The following GALNT5 variants were observed in gnomAD, a reference collection of about 807,000 sequenced individuals.
GALNT5 encodes polypeptide N-acetylgalactosaminyltransferase 5, also known as UDP-GalNAc:polypeptide N-acetylgalactosaminyltransferase 5.
GALNT5 carries 72 observed loss-of-function variants against 85.4 expected under a neutral mutation model. That is an observed-to-expected ratio of 0.84 (90% CI 0.70 to 1.03). The LOEUF is 1.03. Ranked by LOEUF, GALNT5 falls within the 50% of genes least tolerant of loss-of-function variation. The pLI is 0.00. For missense variants in GALNT5, 1,137 were observed against 1,135.5 expected, an observed-to-expected ratio of 1.00 and a Z score of -0.02; for synonymous variants, 404 against 397.0, an observed-to-expected ratio of 1.02 and a Z score of -0.21.
At chr2:157,291,643 A>AG in intron 3 of GALNT5, among the ~76,000 whole-genome samples, 5 of 9,734 alleles carry the variant, frequency 5.1e-4, no homozygotes, top group African/African-American at 6.6e-4. Context: ...ACCCCCCCCC[A>AG]GATTTTTAAG....
chr2:157,305,217 G>C (rs763032404), intron 7 of GALNT5, among the ~76,000 whole-genome samples: 8 of 152,112 alleles, frequency 5.3e-5, no homozygotes, highest in African/African-American at 1.9e-4. Context: ...ATTAGCTTTC[G>C]TGACTTTCCT....
Position 157,258,808 on chromosome 2 carries a change from C to T in GALNT5, c.726C>T (p.Ala242=). The T allele has an allele frequency of 6.3e-7, 1 of 1,599,810 alleles. No homozygotes were observed. The highest frequency in any genetic ancestry group is 8.5e-7 in the Non-Finnish European group (1 of 1,170,244). ...TAGCAAACGAGAGGGCACACCCTGC[C>T]AGCACAGCAGTGCCGAAGTCTGGGG... is the stretch of plus-strand genomic sequence containing the variant. ...QAVANERAHP[A]STAVPKSGEA... The change falls in exon 1 of 10, where the codon GCC becomes GCT. Residue 242 remains alanine (A), a synonymous_variant. Coordinates refer to ENST00000259056, the MANE Select transcript of GALNT5 (RefSeq NM_014568.3).
intron 1 of GALNT5, among the ~76,000 whole-genome samples, chr2:157,268,430 A>C (rs1245517766): frequency 6.6e-6 from 1 of 152,232 alleles, no homozygotes; most frequent in Non-Finnish European, 1.5e-5. Flanking sequence ...GTGTATTTGC[A>C]TTATGGGTAA....
chr2:157,287,252 T>C (rs1164550688), intron 3 of GALNT5, among the ~76,000 whole-genome samples: 2 of 152,212 alleles, frequency 1.3e-5, no homozygotes, highest in Non-Finnish European at 2.9e-5. Flanking sequence ...TACCCAATGG[T>C]TTTTAGTATC....
At chr2:157,301,451 G>T (rs1211081662) in intron 7 of GALNT5, 1 of 196,894 alleles carries the variant, frequency 5.1e-6, no homozygotes, top group Non-Finnish European at 1.1e-5. Flanking sequence ...TGTAACTCAG[G>T]CCTAAAACAC....
At chr2:157,271,405 AT>A (rs1359197852) in intron 1 of GALNT5, among the ~76,000 whole-genome samples, 4 of 152,202 alleles carry the variant, frequency 2.6e-5, no homozygotes, top group African/African-American at 9.6e-5. Context: ...TTGACTGAGG[AT>A]TTTAAACAGA....
intron 3 of GALNT5, 44 bp from the exon 4 acceptor site, chr2:157,295,616 CAAT>C (rs752178216): frequency 1.6e-4 from 239 of 1,512,892 alleles, no homozygotes; most frequent in Non-Finnish European, 2.1e-4. Flanking sequence ...TACACACATT[CAAT>C]ATATCGTATT....
At chr2:157,293,801 A>G (rs1683152881) in intron 3 of GALNT5, among the ~76,000 whole-genome samples, 1 of 152,234 alleles carries the variant, frequency 6.6e-6, no homozygotes, top group Admixed American at 6.5e-5. Context: ...TGTCATCTAG[A>G]TAACTATCCT....
rs1683722690 is a variant in GALNT5, at chr2:157,317,103, C to CTG, written c.*5755_*5756insTG. Among the ~76,000 whole-genome samples the CTG allele has an allele frequency of 6.7e-6, 1 of 149,420 alleles. No individual in the cohort carries two copies. The highest frequency in any genetic ancestry group is 2.1e-4 in the South Asian group (1 of 4,758). ...TATTAGATGTTAAATTAAAATTTTT[C>CTG]ATAGCATGAATAGATTTTTAAGTGA... On this transcript the variant is annotated 3_prime_UTR_variant, in exon 10 of 10. Transcript: ENST00000259056.
chr2:157,269,614 A>T (rs1453153934), intron 1 of GALNT5, among the ~76,000 whole-genome samples: 1 of 152,186 alleles, frequency 6.6e-6, no homozygotes, highest in African/African-American at 2.4e-5. Context: ...TTAAGGCACC[A>T]TGACATAATC....
In GALNT5 at chr2:157,312,813, C is replaced by A. The variant is rs1270995962; in HGVS notation, c.*1465C>A. The A allele has an allele frequency of 1.3e-5, 2 of 152,142 alleles. No homozygotes were observed. The highest frequency in any genetic ancestry group is 2.4e-5 in the African/African-American group (1 of 41,434). The allele number at this position is 152,142 out of a possible 1,614,324, so 9.4% of individuals were successfully genotyped here. ...ACAGAATTCCTTAGAAAGAGATACA[C>A]AATTCTTTGCTGGGATTGGGTCCCT... On this transcript the variant is annotated 3_prime_UTR_variant, in exon 10 of 10. Transcript: ENST00000259056.
At chr2:157,311,124 A>AC (rs1683560137) in intron 9 of GALNT5, 84 bp from the exon 10 acceptor site, 1 of 1,092,034 alleles carries the variant, frequency 9.2e-7, no homozygotes, top group Admixed American at 2.2e-5. Flanking sequence ...CTGCCTGTCC[A>AC]TTTTTTTAAT....
rs1400735283 is a variant in GALNT5 at position 157,315,537 on chromosome 2, C to T, written c.*4189C>T. 6.6e-6 allele frequency among the ~76,000 whole-genome samples: 1 copy of T among 152,112 alleles called. No individual in the cohort carries two copies. The highest frequency in any genetic ancestry group is 1.5e-5 in the Non-Finnish European group (1 of 68,014). On this transcript the variant is annotated 3_prime_UTR_variant, in exon 10 of 10. Transcript: ENST00000259056. The stretch of plus-strand genomic sequence containing the variant: ...ATGAGATTGAATTAAACCCCTTTGG[C>T]CTCTTTTGGATGTTGTATAAACAGA...
intron 3 of GALNT5, among the ~76,000 whole-genome samples, chr2:157,290,067 C>T (rs962713664): frequency 8.0e-6 from 1 of 125,052 alleles, no homozygotes. Context: ...GAGCAAAATT[C>T]TGTCTCAAAA....
chr2:157,282,095 A>T (rs1432446996), intron 1 of GALNT5, among the ~76,000 whole-genome samples: 1 of 152,228 alleles, frequency 6.6e-6, no homozygotes, highest in Non-Finnish European at 1.5e-5. Context: ...GACTAATATT[A>T]GTTTAGACAG....
At position 157,261,357 on chromosome 2, in the gene GALNT5, C is replaced by T. The variant is rs75436758; in HGVS notation, c.1454+1821C>T. ...GTGGCTCATTGAAAGCTCGGGGACT[C>T]CCAGTGCTTCTTAGTTTCTATACTT... On this transcript the variant is annotated intron_variant, in intron 1 of 9. Coordinates refer to ENST00000259056, the MANE Select transcript of GALNT5 (RefSeq NM_014568.3). Among the ~76,000 whole-genome samples, 696 of 152,260 alleles carry T rather than the reference C, an allele frequency of 4.6e-3. 16 individuals are homozygous for T. The highest frequency in any genetic ancestry group is 0.018 in the East Asian group (94 of 5,176).
At chr2:157,290,112 T>TATATATATACATATATATATACACACAC (rs1416458086) in intron 3 of GALNT5, among the ~76,000 whole-genome samples, 8 of 138,228 alleles carry the variant, frequency 5.8e-5, no homozygotes, top group Non-Finnish European at 1.0e-4. Flanking sequence ...TATATATATA[T>TATATATATACATATATATATACACACAC]ACATACACAA....
Position 157,296,553 on chromosome 2 carries a change from TC to T in GALNT5, c.1997+41del, listed in dbSNP as rs746964237. 9.2e-6 allele frequency: 14 copies of T among 1,529,546 alleles called. No individual in the cohort carries two copies. In the South Asian group the frequency reaches 1.6e-4, roughly 17 times the overall value. The allele number at this position is 1,529,546 out of a possible 1,614,324, so 94.7% of individuals were successfully genotyped here. ...TTTAAGACTAGAAAGCAGTCATGTATCTTTTTGTAAAAGCATTAAAAAATTC... is the reference window on the plus strand; with the variant it reads ...TTTAAGACTAGAAAGCAGTCATGTATTTTTTGTAAAAGCATTAAAAAATTC... On this transcript the variant is annotated intron_variant, in intron 5 of 9. Coordinates refer to ENST00000259056, the MANE Select transcript of GALNT5 (RefSeq NM_014568.3).
chr2:157,303,738 G>A (rs981171120), intron 7 of GALNT5, among the ~76,000 whole-genome samples: 5 of 152,104 alleles, frequency 3.3e-5, no homozygotes, highest in South Asian at 2.1e-4. Flanking sequence ...AAATCTTCAG[G>A]TCAAATGAGG....
Sources: allele counts gnomAD v4.1 joint callset (sites outside exome capture counted in the v4.1 genomes callset), GRCh38; gene constraint gnomAD v4.1.1; transcripts MANE v1.5; gene names NCBI Gene and HGNC (gene_info 2026-07-23, HGNC 2026-07-21).